C3orf52: variants seen among roughly 807,000 people sequenced by gnomAD.
C3orf52 encodes the protein chromosome 3 open reading frame 52.
C3orf52 carries 22 observed loss-of-function variants against 24.8 expected under a neutral mutation model. The observed-to-expected ratio is 0.89, with a 90% CI of 0.63 to 1.27. The LOEUF is 1.27. Among genes scored for constraint, C3orf52 ranks in the 50% most tolerant of loss-of-function variants. The pLI, the probability that C3orf52 is intolerant of heterozygous loss-of-function variation, is 0.00. For synonymous variants in C3orf52, 93 were observed against 100.2 expected (o/e 0.93, Z 0.43); for missense variants, 265 against 260.7 (o/e 1.02, Z -0.11).
chr3:112,135,183 A>G (rs889205275), downstream of C3orf52: 2 of 152,960 alleles, frequency 1.3e-5, no homozygotes, highest in African/African-American at 4.8e-5. Context: ...TTTTTGTATT[A>G]TCCTTGTATT....
At chr3:112,102,750 G>A in intron 2 of C3orf52, 88 bp from the exon 3 acceptor site, 1 of 1,200,320 alleles carries the variant, frequency 8.3e-7, no homozygotes, top group Non-Finnish European at 1.1e-6. Flanking sequence ...TTATGTTTAA[G>A]TATGGCAGTC....
At chr3:112,126,903 AGGGGC>A in intron 4 of C3orf52, 1 of 941,568 alleles carries the variant, frequency 1.1e-6, no homozygotes, top group Admixed American at 1.9e-5. Flanking sequence ...AATATGCCTA[AGGGGC>A]TTTGGGAACA....
intron 4 of C3orf52, chr3:112,112,261 A>T (rs1176727884): frequency 6.6e-6 from 1 of 152,274 alleles, no homozygotes; most frequent in Non-Finnish European, 1.5e-5. Flanking sequence ...AATGGGAAAA[A>T]ATGTTCTAGG....
intron 4 of C3orf52, chr3:112,128,022 A>G (rs1034043718): frequency 1.2e-6 from 2 of 1,613,554 alleles, no homozygotes; most frequent in Non-Finnish European, 1.7e-6. Context: ...CTCACCATGG[A>G]AGGCAGAAAC....
At chr3:112,132,793 A>G, downstream of C3orf52, 1 of 438,834 alleles carries the variant, frequency 2.3e-6, no homozygotes, top group Non-Finnish European at 3.2e-6. Flanking sequence ...GGGCTTTCAG[A>G]AAGTTGTTTC....
At chr3:112,113,464 A>G (rs1252228798) in intron 5 of C3orf52, among the ~76,000 whole-genome samples, 1 of 152,208 alleles carries the variant, frequency 6.6e-6, no homozygotes, top group African/African-American at 2.4e-5. Context: ...CCTGTATCCT[A>G]CTTTACAACA....
chr3:112,123,492 A>G, intron 4 of C3orf52: 1 of 1,614,148 alleles, frequency 6.2e-7, no homozygotes, highest in Non-Finnish European at 8.5e-7. Context: ...AGGGGCCATA[A>G]GTGGACGTGG....
downstream of C3orf52, chr3:112,121,803 T>C (rs2074205777): frequency 6.6e-6 from 1 of 152,236 alleles, no homozygotes; most frequent in Non-Finnish European, 1.5e-5. Flanking sequence ...CCATTGCATT[T>C]CTCCTCTTTT....
rs2074150781 is a variant in C3orf52, at chr3:112,117,803, T to G, written c.*1157T>G. ...GTTGTGAGGGAACTGATTGTTTTGT[T>G]GGGAAAAGAAATTTACCAGGAGAAA... On this transcript the variant is annotated 3_prime_UTR_variant, in exon 6 of 6. Coordinates refer to ENST00000264848, the MANE Select transcript of C3orf52 (RefSeq NM_024616.3). The G allele has an allele frequency of 6.6e-6, 1 of 152,244 alleles. No homozygotes were observed. The highest frequency in any genetic ancestry group is 2.4e-5 in the African/African-American group (1 of 41,458). The allele number at this position is 152,244 out of a possible 1,614,324, so 9.4% of individuals were successfully genotyped here. A position where few individuals can be genotyped will look rare whatever the true frequency, so the allele number is the denominator to read the frequency against.
intron 4 of C3orf52, chr3:112,123,294 C>T (rs993694874): frequency 3.1e-5 from 43 of 1,367,416 alleles, no homozygotes; most frequent in Middle Eastern, 2.6e-4. Flanking sequence ...TTGGCTTTTG[C>T]GTGCTAAGAG....
chr3:112,123,868 T>C (rs1323884159), intron 4 of C3orf52: 12 of 1,320,878 alleles, frequency 9.1e-6, no homozygotes, highest in Non-Finnish European at 1.2e-5. Flanking sequence ...GTCAAGTCTG[T>C]CTTCTATGAC....
chr3:112,126,559 A>C (rs192121214), intron 4 of C3orf52, among the ~76,000 whole-genome samples: 24 of 152,286 alleles, frequency 1.6e-4, no homozygotes, highest in Admixed American at 3.9e-4. Flanking sequence ...TCTTTAATAC[A>C]AATCTAATCA....
downstream of C3orf52, among the ~76,000 whole-genome samples, chr3:112,132,178 A>C (rs563028335): frequency 5.9e-5 from 9 of 152,214 alleles, no homozygotes; most frequent in Non-Finnish European, 1.0e-4. Context: ...AGTCTCAGAC[A>C]ACATGATTCT....
chr3:112,099,646 G>T (rs1179917850), intron 2 of C3orf52, among the ~76,000 whole-genome samples: 1 of 152,148 alleles, frequency 6.6e-6, no homozygotes, highest in Non-Finnish European at 1.5e-5. Flanking sequence ...TTAATGTGAG[G>T]ATTATGTGAG....
chr3:112,117,949 G>A lies in C3orf52; in HGVS notation c.*1303G>A, dbSNP rs2074153098. 6.6e-6 allele frequency: 1 copy of A among 152,224 alleles called. No homozygotes were observed. Among genetic ancestry groups the A allele is most frequent in the African/African-American group, 2.4e-5 (1 of 41,458 alleles). The allele number at this position is 152,224 out of a possible 1,614,324, so 9.4% of individuals were successfully genotyped here. ...AGAGTGTCTGCCTCAGACTAGATTTGACTTGAGTTCTTTATGACCCAGGAC... is the reference window on the plus strand; with the variant it reads ...AGAGTGTCTGCCTCAGACTAGATTTAACTTGAGTTCTTTATGACCCAGGAC... On this transcript the variant is annotated 3_prime_UTR_variant, in exon 6 of 6. Coordinates refer to ENST00000264848, the MANE Select transcript of C3orf52 (RefSeq NM_024616.3).
chr3:112,122,797 A>G (rs1461618481), downstream of C3orf52: 1 of 152,202 alleles, frequency 6.6e-6, no homozygotes, highest in Non-Finnish European at 1.5e-5. Context: ...ACATTGTCTG[A>G]TGGCATAATT....
downstream of C3orf52, chr3:112,132,623 T>A: frequency 1.0e-6 from 1 of 985,016 alleles, no homozygotes; most frequent in Non-Finnish European, 1.2e-6. Flanking sequence ...TTAATCTAGA[T>A]GACCTCTGCT....
intron 2 of C3orf52, among the ~76,000 whole-genome samples, chr3:112,101,259 A>G (rs2073969829): frequency 6.6e-6 from 1 of 152,220 alleles, no homozygotes; most frequent in South Asian, 2.1e-4. Flanking sequence ...ATGATTAATT[A>G]CAGCAAAATC....
In C3orf52 at chr3:112,116,653, G is replaced by A. The variant is rs778148012; in HGVS notation, c.*7G>A. On this transcript the variant is annotated 3_prime_UTR_variant, in exon 6 of 6. Coordinates refer to ENST00000264848, the MANE Select transcript of C3orf52 (RefSeq NM_024616.3). Reference sequence around the variant, plus strand: ...TGTTTTCTTTTTAGAATGAAGTGATGGAGGCTGGTCTCTGTCTGAAAGCAG... The same window carrying A: ...TGTTTTCTTTTTAGAATGAAGTGATAGAGGCTGGTCTCTGTCTGAAAGCAG... 1.3e-6 allele frequency: 2 copies of A among 1,586,724 alleles called. No homozygotes were observed. Among genetic ancestry groups the A allele is most frequent in the South Asian group, 1.1e-5 (1 of 87,072 alleles).
Sources: allele counts gnomAD v4.1 joint callset (sites outside exome capture counted in the v4.1 genomes callset), GRCh38; gene constraint gnomAD v4.1.1; transcripts MANE v1.5; gene names NCBI Gene and HGNC (gene_info 2026-07-23, HGNC 2026-07-21).